DRC11L: variants seen among roughly 807,000 people sequenced by gnomAD.
The protein encoded by DRC11L is dynein regulatory complex subunit 11 like, also known as dynein regulatory complex subunit like-11.
At chr7:151,197,525 A>C in the DRC11L span, among the ~76,000 whole-genome samples, 48 of 152,256 alleles carry the variant, frequency 3.2e-4, no homozygotes, top group African/African-American at 1.1e-3. Context: ...GGGTCCAAGG[A>C]GAAAGGGTGC....
At chr7:151,201,171 C>T in the DRC11L span, among the ~76,000 whole-genome samples, 1 of 152,366 alleles carries the variant, frequency 6.6e-6, no homozygotes, top group Non-Finnish European at 1.5e-5. This position sits in a 1 kb window ranked among gnomAD's most constrained non-coding sequence, Gnocchi z 4.1. Context: ...CCAGTGCTTT[C>T]CATCTGCCTC....
chr7:151,196,889 C>T, the DRC11L span: 1 of 399,024 alleles, frequency 2.5e-6, no homozygotes, highest in Non-Finnish European at 4.4e-6. Flanking sequence ...ACTTCATGGT[C>T]CGTGTGCAGA....
chr7:151,200,340 C>A, the DRC11L span: 1 of 399,326 alleles, frequency 2.5e-6, no homozygotes, highest in Admixed American at 4.4e-5. Flanking sequence ...CCCTGGCCAG[C>A]CCTGTGTTCC....
At chr7:151,191,209 T>C in the DRC11L span, 1 of 398,440 alleles carries the variant, frequency 2.5e-6, no homozygotes, top group Non-Finnish European at 4.4e-6. Flanking sequence ...GGGGGTCCTA[T>C]TAGTGCTGGG....
the DRC11L span, chr7:151,197,804 C>T: frequency 2.5e-6 from 1 of 398,908 alleles, no homozygotes; most frequent in South Asian, 1.3e-4. Context: ...ACCATCTGCC[C>T]CACCTCCAAC....
chr7:151,196,141 G>C, the DRC11L span, among the ~76,000 whole-genome samples: 3 of 152,194 alleles, frequency 2.0e-5, no homozygotes, highest in African/African-American at 7.2e-5. Context: ...TGGTGGGGGG[G>C]TGTGGACACC....
the DRC11L span, among the ~76,000 whole-genome samples, chr7:151,200,098 C>T: frequency 6.6e-6 from 1 of 152,198 alleles, no homozygotes; most frequent in Non-Finnish European, 1.5e-5. Flanking sequence ...CCCCTTCCAG[C>T]TGGGGGTGGG....
At chr7:151,198,960 T>C in the DRC11L span, 2 of 398,980 alleles carry the variant, frequency 5.0e-6, no homozygotes, top group Non-Finnish European at 8.8e-6. Context: ...GAGGCATGGC[T>C]GGGAGATGAT....
chr7:151,198,366 G>A, the DRC11L span, among the ~76,000 whole-genome samples: 1 of 152,170 alleles, frequency 6.6e-6, no homozygotes, highest in Non-Finnish European at 1.5e-5. Flanking sequence ...AGACAGTTGG[G>A]TAGACGGGTG....
chr7:151,191,953 C>T, the DRC11L span: 20 of 398,848 alleles, frequency 5.0e-5, no homozygotes, highest in African/African-American at 2.7e-4. Flanking sequence ...GAGCAGCCCC[C>T]GCCTGGATCT....
At chr7:151,198,200 GGGTA>G in the DRC11L span, among the ~76,000 whole-genome samples, 1 of 149,884 alleles carries the variant, frequency 6.7e-6, no homozygotes, top group East Asian at 2.0e-4. Flanking sequence ...ATGGAGAGGT[GGGTA>G]GGTGGGTGGG....
chr7:151,196,852 C>T, the DRC11L span: 3 of 398,428 alleles, frequency 7.5e-6, no homozygotes, highest in Non-Finnish European at 1.3e-5. Context: ...TTGGTGTTGT[C>T]CCCTTTGCCT....
At chr7:151,199,069 A>C in the DRC11L span, 1 of 398,458 alleles carries the variant, frequency 2.5e-6, no homozygotes, top group African/African-American at 2.1e-5. The surrounding 1 kb of genome is among the most constrained non-coding windows in gnomAD (Gnocchi z 5.2). Flanking sequence ...GTCTGGATGC[A>C]GCCCCCAGCC....
the DRC11L span, among the ~76,000 whole-genome samples, chr7:151,201,153 C>T: frequency 2.7e-4 from 41 of 152,350 alleles, no homozygotes; most frequent in Middle Eastern, 6.8e-3. This position sits in a 1 kb window ranked among gnomAD's most constrained non-coding sequence, Gnocchi z 4.1. Flanking sequence ...AGTCAGGGCC[C>T]GGGCCAGCCA....
the DRC11L span, chr7:151,194,559 G>C: frequency 1.5e-5 from 6 of 399,378 alleles, no homozygotes; most frequent in Non-Finnish European, 4.4e-6. Flanking sequence ...TCCTTAGAAG[G>C]CCAGAAATAA....
At chr7:151,195,874 C>T in the DRC11L span, 2 of 368,732 alleles carry the variant, frequency 5.4e-6, no homozygotes, top group Non-Finnish European at 9.7e-6. Flanking sequence ...GCCTAATCCT[C>T]TTCCTGCTCT....
At chr7:151,201,261 C>G in the DRC11L span, among the ~76,000 whole-genome samples, 2 of 152,244 alleles carry the variant, frequency 1.3e-5, no homozygotes, top group Admixed American at 6.5e-5. This position sits in a 1 kb window ranked among gnomAD's most constrained non-coding sequence, Gnocchi z 4.1. Flanking sequence ...CCACCACAGA[C>G]CAGGCCTGCC....
At chr7:151,196,810 C>T in the DRC11L span, among the ~76,000 whole-genome samples, 6 of 152,314 alleles carry the variant, frequency 3.9e-5, no homozygotes, top group East Asian at 3.9e-4. Context: ...CGCCCCCACC[C>T]GAAGAAGCAC....
chr7:151,203,549 T>A, the DRC11L span: 5 of 398,598 alleles, frequency 1.3e-5, no homozygotes, highest in Non-Finnish European at 2.2e-5. Context: ...GGGTCAGGAA[T>A]CAAAAGTCTG....
Sources: gnomAD v4.1 joint callset for allele counts (sites outside exome capture counted in the v4.1 genomes callset) on GRCh38, gnomAD v4.1.1 for gene constraint, Gnocchi (gnomAD v3.1) non-coding constraint, MANE v1.5 for transcripts, NCBI Gene and HGNC (gene_info 2026-07-23, HGNC 2026-07-21) for gene names.